ADAMTS12: variants seen among roughly 807,000 people sequenced by gnomAD.
ADAMTS12 encodes the protein A disintegrin and metalloproteinase with thrombospondin motifs 12.
ADAMTS12 carries 118 observed loss-of-function variants against 167.8 expected under a neutral mutation model. That is an observed-to-expected ratio of 0.70 (90% CI 0.61 to 0.82). ADAMTS12 has a LOEUF of 0.82. Ranked by LOEUF, ADAMTS12 falls within the 40% of genes least tolerant of loss-of-function variation. The pLI is 0.00. For synonymous variants in ADAMTS12, 704 were observed against 716.9 expected, an observed-to-expected ratio of 0.98 and a Z score of 0.29; for missense variants, 1,916 against 1,998.8, an observed-to-expected ratio of 0.96 and a Z score of 0.79.
intron 18 of ADAMTS12, among the ~76,000 whole-genome samples, chr5:33,582,458 G>A (rs1243388700): frequency 1.3e-5 from 2 of 152,162 alleles, no homozygotes; most frequent in African/African-American, 4.8e-5. Flanking sequence ...CGGGTGGCAG[G>A]GACTTCACAT....
intron 2 of ADAMTS12, among the ~76,000 whole-genome samples, chr5:33,772,630 C>T (rs1006035562): frequency 6.6e-6 from 1 of 152,178 alleles, no homozygotes; most frequent in Non-Finnish European, 1.5e-5. Context: ...TACTTCTTTT[C>T]CAGGCTTCTT....
At chr5:33,748,716 A>C (rs1418626604) in intron 3 of ADAMTS12, among the ~76,000 whole-genome samples, 1 of 152,186 alleles carries the variant, frequency 6.6e-6, no homozygotes, top group Non-Finnish European at 1.5e-5. Flanking sequence ...TTTTCATATA[A>C]TCACAGTAAT....
intron 2 of ADAMTS12, among the ~76,000 whole-genome samples, chr5:33,829,729 A>G (rs537529416): frequency 2.0e-5 from 3 of 152,290 alleles, no homozygotes; most frequent in Non-Finnish European, 4.4e-5. Context: ...CACATCTAAG[A>G]GCAGATTTCA....
rs76287253 is a variant in ADAMTS12 at position 33,594,822 on chromosome 5, A to G, written c.2654+1112T>C. Among the ~76,000 whole-genome samples, 857 of 152,268 alleles carry G rather than the reference A, an allele frequency of 5.6e-3. 3 individuals are homozygous for G. Among genetic ancestry groups the G allele is most frequent in the Middle Eastern group, 0.01 (3 of 294 alleles). On this transcript the variant is annotated intron_variant, in intron 17 of 23. Transcript: ENST00000504830. The stretch of plus-strand genomic sequence containing the variant: ...CTGGGTCCTGCCTGTTTGGACTGCT[A>G]AGAGACTGACATCATTTTTTTCAAC...
intron 2 of ADAMTS12, among the ~76,000 whole-genome samples, chr5:33,784,470 C>T (rs1746259055): frequency 6.6e-6 from 1 of 151,718 alleles, no homozygotes; most frequent in Non-Finnish European, 1.5e-5. Context: ...AAAAAACTTA[C>T]TAGACATAAC....
chr5:33,539,186 C>A (rs256644), intron 22 of ADAMTS12, among the ~76,000 whole-genome samples: 62,374 of 151,986 alleles, frequency 0.41, 13,819 homozygotes, highest in East Asian at 0.76. Flanking sequence ...AGGTGATCCA[C>A]CTGCTTCGGC....
chr5:33,592,059 A>T (rs905748615), intron 17 of ADAMTS12, among the ~76,000 whole-genome samples: 2 of 146,790 alleles, frequency 1.4e-5, no homozygotes, highest in African/African-American at 2.5e-5. Flanking sequence ...CGTCTCTACT[A>T]AAAAAAAAAG....
At chr5:33,876,386 T>C (rs1257902910) in intron 2 of ADAMTS12, among the ~76,000 whole-genome samples, 1 of 152,250 alleles carries the variant, frequency 6.6e-6, no homozygotes, top group Non-Finnish European at 1.5e-5. Flanking sequence ...CCTGATTTCA[T>C]GACTAATTAT....
At chr5:33,824,131 T>A (rs1747970779) in intron 2 of ADAMTS12, among the ~76,000 whole-genome samples, 1 of 152,202 alleles carries the variant, frequency 6.6e-6, no homozygotes, top group Non-Finnish European at 1.5e-5. Flanking sequence ...TTCTCAATAA[T>A]AATAGATCAT....
chr5:33,821,845 TATA>T (rs1171359738), intron 2 of ADAMTS12, among the ~76,000 whole-genome samples: 15 of 152,184 alleles, frequency 9.9e-5, no homozygotes, highest in South Asian at 2.1e-4. Flanking sequence ...AGGTTTTCAG[TATA>T]ATAATGTTTC....
intron 1 of ADAMTS12, among the ~76,000 whole-genome samples, chr5:33,885,755 C>A (rs2877341): frequency 0.055 from 8,368 of 152,234 alleles, 386 homozygotes; most frequent in East Asian, 0.17. Flanking sequence ...ACTGAGACTG[C>A]TGGAGATGGG....
Position 33,549,398 on chromosome 5 carries a change from A to G in ADAMTS12, c.4126-15T>C. The G allele has an allele frequency of 6.2e-7, 1 of 1,600,268 alleles. No homozygotes were observed. Among genetic ancestry groups the G allele is most frequent in the Non-Finnish European group, 8.6e-7 (1 of 1,168,846 alleles). On this transcript the variant is annotated splice_polypyrimidine_tract_variant and intron_variant, in intron 20 of 23. Transcript: ENST00000504830. ...TTTCTGGAGCACTGTATGGAGAGAA[A>G]AATCAAAGGCGATCTCTGAGTCATT...
At chr5:33,533,949 A>C (rs1240130019) in intron 23 of ADAMTS12, among the ~76,000 whole-genome samples, 1 of 152,200 alleles carries the variant, frequency 6.6e-6, no homozygotes, top group Admixed American at 6.5e-5. Flanking sequence ...TTCTCCCAGC[A>C]CAAAGGGCTA....
chr5:33,733,235 G>T (rs569748349), intron 3 of ADAMTS12, among the ~76,000 whole-genome samples: 101 of 152,136 alleles, frequency 6.6e-4, no homozygotes, highest in African/African-American at 2.2e-3. Context: ...GAATAATACA[G>T]TTACTATTTT....
intron 2 of ADAMTS12, among the ~76,000 whole-genome samples, chr5:33,821,611 C>T (rs2112503072): frequency 6.6e-6 from 1 of 152,272 alleles, no homozygotes; most frequent in East Asian, 1.9e-4. Context: ...GTGACTGAGG[C>T]ATCTCCCCAC....
intron 3 of ADAMTS12, among the ~76,000 whole-genome samples, chr5:33,692,427 G>T (rs540617337): frequency 1.3e-5 from 2 of 152,306 alleles, no homozygotes; most frequent in Non-Finnish European, 1.5e-5. Flanking sequence ...CCATTTATAT[G>T]TGAGAAAAAT....
At chr5:33,601,292 T>C (rs985226772) in intron 16 of ADAMTS12, among the ~76,000 whole-genome samples, 4 of 152,112 alleles carry the variant, frequency 2.6e-5, no homozygotes, top group African/African-American at 9.7e-5. Context: ...GGCAAAAGAT[T>C]ATAGTATAGG....
chr5:33,680,633 A>G (rs924244532), intron 5 of ADAMTS12, among the ~76,000 whole-genome samples: 3 of 152,094 alleles, frequency 2.0e-5, no homozygotes, highest in Non-Finnish European at 4.4e-5. Context: ...ATGCTTTTCA[A>G]AAGTCAAAAA....
intron 13 of ADAMTS12, 127 bp from the exon 14 acceptor site, chr5:33,624,478 A>C: frequency 7.4e-7 from 1 of 1,349,998 alleles, no homozygotes; most frequent in Non-Finnish European, 1.0e-6. Context: ...TACAAGGACA[A>C]ATGTTTGTTC....
Sources: allele counts gnomAD v4.1 joint callset (sites outside exome capture counted in the v4.1 genomes callset), GRCh38; gene constraint gnomAD v4.1.1; transcripts MANE v1.5; gene names NCBI Gene and HGNC (gene_info 2026-07-23, HGNC 2026-07-21).